Variants in LHFPL7 observed in about 807,000 individuals in gnomAD.
The protein encoded by LHFPL7 is LHFPL tetraspan subfamily member 7 protein.
chr22:24,936,513 G>A, the LHFPL7 span, among the ~76,000 whole-genome samples: 7 of 152,210 alleles, frequency 4.6e-5, no homozygotes, highest in African/African-American at 1.7e-4. Flanking sequence ...AAAACTGTTA[G>A]AGGTGCTGCA....
chr22:24,938,412 G>A, the LHFPL7 span: 3 of 1,537,082 alleles, frequency 2.0e-6, no homozygotes, highest in South Asian at 1.3e-5. Context: ...ACAGGGGCAG[G>A]TGGATGCTCC....
chr22:24,939,648 T>C, the LHFPL7 span: 1 of 670,398 alleles, frequency 1.5e-6, no homozygotes, highest in Non-Finnish European at 2.7e-6. Context: ...TCTGGTGTTA[T>C]GATCAGACCC....
At chr22:24,939,322 A>C in the LHFPL7 span, 1 of 702,848 alleles carries the variant, frequency 1.4e-6, no homozygotes, top group Non-Finnish European at 2.6e-6. Context: ...TGACTTGGTG[A>C]GCCAGCTCTC....
chr22:24,942,896 T>A, the LHFPL7 span, among the ~76,000 whole-genome samples: 2 of 108,442 alleles, frequency 1.8e-5, no homozygotes, highest in African/African-American at 3.9e-5. Context: ...GGATAAAGTG[T>A]GTGTGTGTGT....
At chr22:24,944,213 T>G in the LHFPL7 span, among the ~76,000 whole-genome samples, 4 of 152,118 alleles carry the variant, frequency 2.6e-5, no homozygotes, top group Non-Finnish European at 5.9e-5. Context: ...CCCCTCCTTA[T>G]GGAACTTAGA....
chr22:24,941,179 T>C, the LHFPL7 span, among the ~76,000 whole-genome samples: 1 of 152,098 alleles, frequency 6.6e-6, no homozygotes, highest in Non-Finnish European at 1.5e-5. Context: ...ATCTTTTTTT[T>C]TTTTTGAAAC....
the LHFPL7 span, among the ~76,000 whole-genome samples, chr22:24,939,815 C>T: frequency 5.3e-5 from 8 of 152,146 alleles, no homozygotes; most frequent in African/African-American, 1.9e-4. Context: ...AACATTTGCC[C>T]CTCCACCTTC....
At chr22:24,939,924 C>CTTTTTTTTTTTTTTTTTTTTTTTTT in the LHFPL7 span, among the ~76,000 whole-genome samples, 5 of 86,992 alleles carry the variant, frequency 5.7e-5, no homozygotes, top group African/African-American at 2.2e-4. Context: ...TCATTTATCG[C>CTTTTTTTTTTTTTTTTTTTTTTTTT]TTTTTTTTTT....
chr22:24,939,539 G>A, the LHFPL7 span: 1 of 702,806 alleles, frequency 1.4e-6, no homozygotes, highest in Non-Finnish European at 2.6e-6. Context: ...TCAACATTAG[G>A]CAGTATCGCT....
chr22:24,938,335 C>T, the LHFPL7 span: 56 of 1,612,918 alleles, frequency 3.5e-5, no homozygotes, highest in Non-Finnish European at 4.6e-5. Context: ...CCAACAGGAG[C>T]CAGCCTCCGA....
At chr22:24,942,512 C>T in the LHFPL7 span, among the ~76,000 whole-genome samples, 1 of 152,330 alleles carries the variant, frequency 6.6e-6, no homozygotes, top group South Asian at 2.1e-4. Context: ...GGGCACTTAG[C>T]CAGCTTTGCC....
chr22:24,939,595 C>G, the LHFPL7 span: 5 of 697,696 alleles, frequency 7.2e-6, no homozygotes, highest in South Asian at 4.4e-5. Context: ...ACTGCAGGGA[C>G]AAGGAGAGAA....
At chr22:24,935,579 C>A in the LHFPL7 span, 2 of 1,612,076 alleles carry the variant, frequency 1.2e-6, no homozygotes, top group East Asian at 2.2e-5. Context: ...TCAGCAGACC[C>A]ACAATCATGG....
the LHFPL7 span, chr22:24,935,513 G>A: frequency 1.9e-6 from 3 of 1,613,934 alleles, no homozygotes; most frequent in African/African-American, 4.0e-5. Flanking sequence ...CATAATACAT[G>A]GAGGAGGCTT....
the LHFPL7 span, among the ~76,000 whole-genome samples, chr22:24,938,716 G>T: frequency 6.6e-6 from 1 of 152,140 alleles, no homozygotes; most frequent in Non-Finnish European, 1.5e-5. Context: ...AATTTTGAAG[G>T]CTGTATATTC....
chr22:24,940,712 C>CTTTT, the LHFPL7 span, among the ~76,000 whole-genome samples: 1 of 87,442 alleles, frequency 1.1e-5, no homozygotes, highest in Non-Finnish European at 2.6e-5. Flanking sequence ...TCCCTCCTTC[C>CTTTT]CTTTCTTTCC....
chr22:24,935,683 C>T, the LHFPL7 span: 1 of 1,483,284 alleles, frequency 6.7e-7, no homozygotes, highest in Middle Eastern at 2.5e-4. Context: ...CCTTTATCCA[C>T]CCATCCATCT....
At chr22:24,942,497 G>C in the LHFPL7 span, among the ~76,000 whole-genome samples, 1 of 152,168 alleles carries the variant, frequency 6.6e-6, no homozygotes, top group Non-Finnish European at 1.5e-5. Flanking sequence ...TGCCAACCAG[G>C]CCAAGGGCAC....
At chr22:24,942,001 T>G in the LHFPL7 span, among the ~76,000 whole-genome samples, 1 of 150,080 alleles carries the variant, frequency 6.7e-6, no homozygotes, top group Non-Finnish European at 1.5e-5. Flanking sequence ...ATTTATTTAT[T>G]TATTTATTTA....
Sources: allele counts gnomAD v4.1 joint callset (sites outside exome capture counted in the v4.1 genomes callset), GRCh38; gene constraint gnomAD v4.1.1; transcripts MANE v1.5; gene names NCBI Gene and HGNC (gene_info 2026-07-23, HGNC 2026-07-21).